TMEM108: variants seen among roughly 807,000 people sequenced by gnomAD.
TMEM108 encodes the protein transmembrane protein 108.
In TMEM108, 12 loss-of-function variants were observed where a neutral mutation model predicts 35.1. The observed-to-expected ratio is 0.34, with a 90% CI of 0.22 to 0.55. The LOEUF is 0.55. Ranked by LOEUF, TMEM108 falls within the 20% of genes least tolerant of loss-of-function variation. The probability of loss-of-function intolerance (pLI) is 0.89; values close to 1 mark genes in which losing one functional copy is unlikely to be tolerated. For missense variants in TMEM108, 680 were observed against 753.3 expected (o/e 0.90, Z 1.14); for synonymous variants, 287 against 308.6 (o/e 0.93, Z 0.73).
intron 3 of TMEM108, among the ~76,000 whole-genome samples, chr3:133,238,229 T>A (rs1020943612): frequency 6.6e-6 from 1 of 152,178 alleles, no homozygotes; most frequent in African/African-American, 2.4e-5. Context: ...ATTATACATG[T>A]GCTTGTTTTC....
intron 3 of TMEM108, among the ~76,000 whole-genome samples, chr3:133,298,869 T>TA (rs965498170): frequency 1.3e-5 from 2 of 152,184 alleles, no homozygotes; most frequent in African/African-American, 4.8e-5. Flanking sequence ...TTTATAATTA[T>TA]AAAAAACTAC....
rs1031054197 is a variant in TMEM108, at chr3:133,397,425, C to T, written c.*1439C>T. On this transcript the variant is annotated 3_prime_UTR_variant, in exon 6 of 6. Coordinates refer to ENST00000321871, the MANE Select transcript of TMEM108 (RefSeq NM_023943.4). The stretch of plus-strand genomic sequence containing the variant: ...AAAAGATGGCCTTCAAAAGTGTGTT[C>T]TCAATGTTGTATGAACCTCCTTCAC... The T allele has an allele frequency of 6.7e-6, 1 of 149,952 alleles. No homozygotes were observed. The highest frequency in any genetic ancestry group is 2.4e-5 in the African/African-American group (1 of 40,840). The allele number at this position is 149,952 out of a possible 1,614,324, so 9.3% of individuals were successfully genotyped here. A position where few individuals can be genotyped will look rare whatever the true frequency, so the allele number is the denominator to read the frequency against.
intron 3 of TMEM108, among the ~76,000 whole-genome samples, chr3:133,340,880 C>T (rs1382620596): frequency 6.6e-6 from 1 of 151,422 alleles, no homozygotes; most frequent in African/African-American, 2.4e-5. Flanking sequence ...TGATAAAAAC[C>T]CTCAAAAAAG....
chr3:133,150,342 G>GTTT lies in TMEM108; in HGVS notation c.-46-78910_-46-78908dup, dbSNP rs10663538. On this transcript the variant is annotated intron_variant, in intron 2 of 5. Transcript: ENST00000321871. ...CCATTTAAAAAAATCAGGTTATTTG[G>GTTT]TTTTTTTTTTTTTTTTGCAATTGAG... is the stretch of plus-strand genomic sequence containing the variant. Among the ~76,000 whole-genome samples the GTTT allele has an allele frequency of 7.0e-4, 77 of 109,692 alleles. 4 individuals carry two copies. The highest frequency in any genetic ancestry group is 3.1e-3 in the South Asian group (10 of 3,254). The allele number at this position is 109,692 out of a possible 152,430, so 72.0% of individuals were successfully genotyped here. A position where few individuals can be genotyped will look rare whatever the true frequency, so the allele number is the denominator to read the frequency against.
At chr3:133,360,760 G>A (rs146872536) in intron 3 of TMEM108, among the ~76,000 whole-genome samples, 2,367 of 152,248 alleles carry the variant, frequency 0.016, 28 homozygotes, top group Non-Finnish European at 0.027. Flanking sequence ...TGTACCACCT[G>A]GTGAAAATGT....
chr3:133,282,778 T>C (rs1267992254), intron 3 of TMEM108, among the ~76,000 whole-genome samples: 1 of 152,126 alleles, frequency 6.6e-6, no homozygotes, highest in African/African-American at 2.4e-5. Flanking sequence ...TTTGTAATAA[T>C]GAAAAGTGGG....
intron 2 of TMEM108, among the ~76,000 whole-genome samples, chr3:133,070,376 C>T (rs1365145863): frequency 1.3e-5 from 2 of 152,094 alleles, no homozygotes; most frequent in African/African-American, 4.8e-5. Context: ...TAAGGCAGTT[C>T]AACTTTGGCA....
At chr3:133,371,570 C>T (rs1287892357) in intron 3 of TMEM108, among the ~76,000 whole-genome samples, 1 of 132,120 alleles carries the variant, frequency 7.6e-6, no homozygotes, top group East Asian at 2.2e-4. Context: ...TATGATCTGA[C>T]CTTAGAAGTC....
chr3:133,117,826 C>T (rs1334028081), intron 2 of TMEM108, among the ~76,000 whole-genome samples: 1 of 152,088 alleles, frequency 6.6e-6, no homozygotes, highest in Non-Finnish European at 1.5e-5. Flanking sequence ...CTGTGAAGCC[C>T]CCATTGCTGG....
intron 2 of TMEM108, among the ~76,000 whole-genome samples, chr3:133,105,764 A>G (rs1944142779): frequency 6.6e-6 from 1 of 152,252 alleles, no homozygotes; most frequent in Non-Finnish European, 1.5e-5. Flanking sequence ...TGCTTCTGCT[A>G]GAACTTCAGT....
At chr3:133,220,914 A>G (rs911325812) in intron 2 of TMEM108, among the ~76,000 whole-genome samples, 1 of 152,238 alleles carries the variant, frequency 6.6e-6, no homozygotes, top group African/African-American at 2.4e-5. Flanking sequence ...GAGCTCAGAA[A>G]GTGCTTTACT....
At chr3:133,091,177 G>A (rs1435048624) in intron 2 of TMEM108, among the ~76,000 whole-genome samples, 1 of 152,000 alleles carries the variant, frequency 6.6e-6, no homozygotes, top group African/African-American at 2.4e-5. Flanking sequence ...ATAAAACATG[G>A]TATCTTATTT....
chr3:133,301,069 C>T (rs1051577258), intron 3 of TMEM108, among the ~76,000 whole-genome samples: 3 of 150,778 alleles, frequency 2.0e-5, no homozygotes, highest in Non-Finnish European at 4.4e-5. Context: ...TAAGAGGCAT[C>T]TCTGTTTTAG....
At chr3:133,353,968 T>G (rs1043669550) in intron 3 of TMEM108, among the ~76,000 whole-genome samples, 1 of 152,228 alleles carries the variant, frequency 6.6e-6, no homozygotes, top group Non-Finnish European at 1.5e-5. Context: ...TCCATTGATT[T>G]GCTTGTGTCC....
rs574273615 is a variant in TMEM108, at chr3:133,180,250, TG to T, written c.-46-49014del. ...CTGTGGGAATATTGCATTTTTCAAA[TG>T]GAAGAACTTCCAACTGACCAGAAGT... is the stretch of plus-strand genomic sequence containing the variant. On this transcript the variant is annotated intron_variant, in intron 2 of 5. Transcript: ENST00000321871. 3.6e-3 allele frequency among the ~76,000 whole-genome samples: 548 copies of T among 152,284 alleles called. 3 individuals carry two copies. Among genetic ancestry groups the T allele is most frequent in the African/African-American group, 0.013 (523 of 41,556 alleles).
At chr3:133,214,997 T>C (rs1391308393) in intron 2 of TMEM108, among the ~76,000 whole-genome samples, 1 of 152,148 alleles carries the variant, frequency 6.6e-6, no homozygotes, top group Non-Finnish European at 1.5e-5. Context: ...CCAAAAAGGT[T>C]GGGGGCTGCT....
chr3:133,371,680 C>CAACAG (rs1200265292), intron 3 of TMEM108, among the ~76,000 whole-genome samples: 5 of 144,542 alleles, frequency 3.5e-5, no homozygotes, highest in African/African-American at 1.1e-4. Context: ...CCTTACCTGT[C>CAACAG]AACAGGAGAG....
chr3:133,074,438 A>G, intron 2 of TMEM108: 1 of 152,228 alleles, frequency 6.6e-6, no homozygotes. Context: ...AAATGTGTTC[A>G]GAACACTTAC....
rs115533998 is a variant in TMEM108, at chr3:133,128,259, A to G, written c.-47+82239A>G. Among the ~76,000 whole-genome samples, 1,421 of 152,340 alleles carry G rather than the reference A, an allele frequency of 9.3e-3. 33 individuals carry two copies. The highest frequency in any genetic ancestry group is 0.032 in the African/African-American group (1,344 of 41,566). ...AATTCATCCACTCTGTTTTGAATAT[A>G]TCAAGTGAAAAGCACTTACATTGCT... is the stretch of plus-strand genomic sequence containing the variant. On this transcript the variant is annotated intron_variant, in intron 2 of 5. Coordinates refer to ENST00000321871, the MANE Select transcript of TMEM108 (RefSeq NM_023943.4).
Sources: allele counts gnomAD v4.1 joint callset (sites outside exome capture counted in the v4.1 genomes callset), GRCh38; gene constraint gnomAD v4.1.1; transcripts MANE v1.5; gene names NCBI Gene and HGNC (gene_info 2026-07-23, HGNC 2026-07-21).